The following SH3RF3 variants were observed in gnomAD, a reference collection of about 807,000 sequenced individuals.
SH3RF3 encodes SH3 domain containing ring finger 3.
A neutral mutation model predicts 66.3 loss-of-function variants in SH3RF3; 29 were observed. That is an observed-to-expected ratio of 0.44 (90% CI 0.33 to 0.60). The LOEUF is 0.60. Ranked by LOEUF, SH3RF3 falls within the 20% of genes least tolerant of loss-of-function variation. The pLI, the probability that SH3RF3 is intolerant of heterozygous loss-of-function variation, is 0.04. For synonymous variants in SH3RF3, 583 were observed against 532.0 expected, an observed-to-expected ratio of 1.10 and a Z score of -1.32; for missense variants, 1,194 against 1,190.9, an observed-to-expected ratio of 1.00 and a Z score of -0.04.
chr2:109,231,887 A>G (rs1460734073), intron 1 of SH3RF3, among the ~76,000 whole-genome samples: 1 of 152,232 alleles, frequency 6.6e-6, no homozygotes, highest in African/African-American at 2.4e-5. Flanking sequence ...TTCACATGCC[A>G]TGTAATTTGC....
Position 109,347,682 on chromosome 2 carries a change from C to G in SH3RF3, c.582C>G (p.Cys194Trp). The stretch of plus-strand genomic sequence containing the variant: ...CTGTCTGTTGCTTGCAGAATCCCTG[C>G]CTGCTTCCCTATGGCAAGGCCCTCT... ...SRTAPAAKNP[C>W]LLPYGKALYS... Residue 194 changes from cysteine to tryptophan, a missense_variant, in exon 2 of 10, where the codon TGC becomes TGG. Physicochemically the swap from Cys to Trp is radical, Grantham distance 215. Transcript: ENST00000309415. 1 of 1,613,316 alleles carries G rather than the reference C, an allele frequency of 6.2e-7. No individual in the cohort carries two copies. The highest frequency in any genetic ancestry group is 8.5e-7 in the Non-Finnish European group (1 of 1,179,450).
intron 1 of SH3RF3, among the ~76,000 whole-genome samples, chr2:109,228,728 C>T (rs928565428): frequency 3.3e-5 from 5 of 151,980 alleles, no homozygotes; most frequent in South Asian, 2.1e-4. Context: ...GTACATAGGG[C>T]GAGGTCTGGA....
intron 1 of SH3RF3, among the ~76,000 whole-genome samples, chr2:109,298,240 A>C (rs570460463): frequency 2.0e-5 from 3 of 152,316 alleles, no homozygotes; most frequent in Admixed American, 2.0e-4. Flanking sequence ...GAGAGCAGGC[A>C]GGAGCATGAT....
At chr2:109,280,406 A>G (rs939169030) in intron 1 of SH3RF3, among the ~76,000 whole-genome samples, 5 of 152,142 alleles carry the variant, frequency 3.3e-5, no homozygotes, top group African/African-American at 1.2e-4. Context: ...GCTCTTGGCT[A>G]GGCAGGGTGA....
chr2:109,241,398 A>G (rs529183183), intron 1 of SH3RF3, among the ~76,000 whole-genome samples: 1 of 152,354 alleles, frequency 6.6e-6, no homozygotes, highest in African/African-American at 2.4e-5. Flanking sequence ...CTAGGGCCAT[A>G]TGGGTATAGA....
At chr2:109,317,341 G>T (rs1288313518) in intron 1 of SH3RF3, among the ~76,000 whole-genome samples, 1 of 152,122 alleles carries the variant, frequency 6.6e-6, no homozygotes, top group Non-Finnish European at 1.5e-5. Flanking sequence ...GTGGGCAGGT[G>T]GGCAGGTGCC....
intron 8 of SH3RF3, among the ~76,000 whole-genome samples, chr2:109,465,429 A>G (rs1573274442): frequency 6.6e-6 from 1 of 152,178 alleles, no homozygotes; most frequent in Non-Finnish European, 1.5e-5. Flanking sequence ...TGGCTGCACC[A>G]TTTTGCTTTC....
At chr2:109,338,063 G>A (rs1041868379) in intron 1 of SH3RF3, among the ~76,000 whole-genome samples, 1 of 152,144 alleles carries the variant, frequency 6.6e-6, no homozygotes, top group Non-Finnish European at 1.5e-5. Context: ...TTGCCAGTCT[G>A]TGTGTCATGT....
At chr2:109,425,698 G>GAA (rs35729518) in intron 5 of SH3RF3, among the ~76,000 whole-genome samples, 78,320 of 151,400 alleles carry the variant, frequency 0.52, 20,529 homozygotes, top group African/African-American at 0.57. Flanking sequence ...CTACTGCTCA[G>GAA]AAAAAAAAGA....
intron 1 of SH3RF3, among the ~76,000 whole-genome samples, chr2:109,291,635 A>G (rs140473236): frequency 6.6e-6 from 1 of 152,270 alleles, no homozygotes; most frequent in East Asian, 1.9e-4. Context: ...GTGTGGAGGA[A>G]TTTTGGAAGA....
intron 1 of SH3RF3, among the ~76,000 whole-genome samples, chr2:109,193,054 A>C (rs1207864181): frequency 1.3e-5 from 2 of 152,220 alleles, no homozygotes; most frequent in Non-Finnish European, 2.9e-5. Context: ...TGTGCCAAGA[A>C]ATTACTTAGT....
At chr2:109,268,251 T>G (rs1277949121) in intron 1 of SH3RF3, among the ~76,000 whole-genome samples, 3 of 151,586 alleles carry the variant, frequency 2.0e-5, no homozygotes, top group Non-Finnish European at 2.9e-5. Flanking sequence ...CCCTGAGCCC[T>G]GCCTGCTGAA....
intron 1 of SH3RF3, among the ~76,000 whole-genome samples, chr2:109,182,617 A>G (rs1678097451): frequency 6.6e-6 from 1 of 152,224 alleles, no homozygotes; most frequent in South Asian, 2.1e-4. Flanking sequence ...TGTTGCGTAA[A>G]TTGGTGACTA....
Position 109,238,761 on chromosome 2 carries a change from C to G in SH3RF3, c.573+108648C>G, listed in dbSNP as rs17035224. On this transcript the variant is annotated intron_variant, in intron 1 of 9. Coordinates refer to ENST00000309415, the MANE Select transcript of SH3RF3 (RefSeq NM_001099289.3). ...CAGGCAGCTGCTACATGCTTGCATC[C>G]TCTGTGGCTCTTGCAATACAGAGGC... is the stretch of plus-strand genomic sequence containing the variant. Among the ~76,000 whole-genome samples the G allele has an allele frequency of 3.4e-3, 518 of 152,252 alleles. 4 individuals are homozygous for G. Among genetic ancestry groups the G allele is most frequent in the African/African-American group, 0.012 (489 of 41,540 alleles).
chr2:109,163,390 CTTTTTTTTTTTTTTT>C (rs70956302), intron 1 of SH3RF3, among the ~76,000 whole-genome samples: 1 of 70,268 alleles, frequency 1.4e-5, no homozygotes, highest in African/African-American at 5.9e-5. Flanking sequence ...AGCAAATATT[CTTTTTTTTTTTTTTT>C]TTTTTTTTTT....
intron 1 of SH3RF3, among the ~76,000 whole-genome samples, chr2:109,209,604 C>T (rs1357444130): frequency 1.3e-5 from 2 of 152,120 alleles, no homozygotes; most frequent in African/African-American, 4.8e-5. Flanking sequence ...CCTATCCACT[C>T]CCTGCTGTGT....
At chr2:109,399,624 CAATAA>C (rs1257665441) in intron 4 of SH3RF3, among the ~76,000 whole-genome samples, 5 of 151,978 alleles carry the variant, frequency 3.3e-5, no homozygotes, top group African/African-American at 7.3e-5. Flanking sequence ...ATCAGTCAAT[CAATAA>C]AATAAAATAA....
In SH3RF3 at chr2:109,438,204, G is replaced by C. The variant is rs114953550; in HGVS notation, c.1828+1058G>C. 2.4e-3 allele frequency among the ~76,000 whole-genome samples: 365 copies of C among 152,318 alleles called. 2 individuals carry two copies. Among genetic ancestry groups the C allele is most frequent in the African/African-American group, 8.2e-3 (341 of 41,572 alleles). ...TCCTTATCTTAGCTGATGGGACAAG[G>C]GGTGGGAGGTAAGTGTCTGTCATCC... On this transcript the variant is annotated intron_variant, in intron 7 of 9. Coordinates refer to ENST00000309415, the MANE Select transcript of SH3RF3 (RefSeq NM_001099289.3).
At chr2:109,297,166 G>A (rs1316232474) in intron 1 of SH3RF3, among the ~76,000 whole-genome samples, 1 of 152,014 alleles carries the variant, frequency 6.6e-6, no homozygotes, top group Non-Finnish European at 1.5e-5. Flanking sequence ...GGACAGCAGA[G>A]AGAGCAGGGC....
Sources: allele counts gnomAD v4.1 joint callset (sites outside exome capture counted in the v4.1 genomes callset), GRCh38; gene constraint gnomAD v4.1.1; transcripts MANE v1.5; gene names NCBI Gene and HGNC (gene_info 2026-07-23, HGNC 2026-07-21).